Variants in CDH18 observed in about 807,000 individuals in gnomAD.
CDH18 encodes cadherin-18.
Under a neutral mutation model 67.9 loss-of-function variants are expected in CDH18, and 31 were observed. The observed-to-expected ratio is 0.46, with a 90% CI of 0.34 to 0.62. The LOEUF (loss-of-function observed/expected upper bound fraction) is 0.62, where lower values mean the gene tolerates loss of function less well. Ranked by LOEUF, CDH18 falls within the 20% of genes least tolerant of loss-of-function variation. CDH18 has a pLI of 0.01. For missense variants in CDH18, 890 were observed against 975.5 expected (o/e 0.91, Z 1.17); for synonymous variants, 362 against 347.2 (o/e 1.04, Z -0.48).
chr5:20,233,047 A>G (rs1742194256), intron 2 of CDH18, among the ~76,000 whole-genome samples: 1 of 151,860 alleles, frequency 6.6e-6, no homozygotes, highest in South Asian at 2.1e-4. Context: ...CCTGAAGTTA[A>G]TATATACAGC....
chr5:20,417,609 C>T (rs181778653), intron 1 of CDH18, among the ~76,000 whole-genome samples: 59 of 152,190 alleles, frequency 3.9e-4, no homozygotes, highest in Non-Finnish European at 6.5e-4. Context: ...ACAAACTCTA[C>T]GACATGTCAT....
At chr5:19,520,202 A>G (rs1026563625) in intron 10 of CDH18, among the ~76,000 whole-genome samples, 1 of 152,016 alleles carries the variant, frequency 6.6e-6, no homozygotes, top group Non-Finnish European at 1.5e-5. Context: ...CTATTAATAC[A>G]TATATACTCT....
intron 2 of CDH18, among the ~76,000 whole-genome samples, chr5:20,157,179 T>C (rs895253045): frequency 6.6e-6 from 1 of 152,200 alleles, no homozygotes; most frequent in Non-Finnish European, 1.5e-5. Flanking sequence ...TTATAAATTG[T>C]ATATTTCTAG....
chr5:19,689,363 G>T (rs1761540748), intron 5 of CDH18, among the ~76,000 whole-genome samples: 1 of 151,810 alleles, frequency 6.6e-6, no homozygotes, highest in Non-Finnish European at 1.5e-5. Flanking sequence ...GAGAGTATAG[G>T]ATGATATATT....
At chr5:19,911,840 G>A (rs1791179032) in intron 2 of CDH18, among the ~76,000 whole-genome samples, 1 of 152,202 alleles carries the variant, frequency 6.6e-6, no homozygotes. Context: ...AATAGGGAGT[G>A]AGTTTCAAAG....
chr5:20,455,814 T>G (rs914591688), intron 1 of CDH18, among the ~76,000 whole-genome samples: 3 of 152,124 alleles, frequency 2.0e-5, no homozygotes, highest in Non-Finnish European at 4.4e-5. Flanking sequence ...AAAATTGAAT[T>G]ATCTGTTCTA....
rs560953800 is a variant in CDH18, at chr5:20,051,015, G to C, written c.-517-59001C>G. ...AGGCAATGGAGTATTGTAATAAAAA[G>C]ATACTTTGGCTTTATCACACTTGTT... On this transcript the variant is annotated intron_variant, in intron 2 of 14. Coordinates refer to the CDH18 transcript ENST00000507958. Among the ~76,000 whole-genome samples, 3 of 151,884 alleles carry C rather than the reference G, an allele frequency of 2.0e-5. No homozygotes were observed. In the East Asian group the frequency reaches 5.8e-4, roughly 29 times the overall value.
chr5:19,489,088 A>G (rs796157536), intron 11 of CDH18, among the ~76,000 whole-genome samples: 4 of 152,232 alleles, frequency 2.6e-5, no homozygotes, highest in African/African-American at 9.6e-5. Context: ...TACAGTGTCC[A>G]TTGTCTATTT....
chr5:19,713,219 C>T (rs1456827953), intron 5 of CDH18, among the ~76,000 whole-genome samples: 1 of 151,838 alleles, frequency 6.6e-6, no homozygotes, highest in African/African-American at 2.4e-5. Context: ...ATAAGATATG[C>T]TACAATTGAC....
At chr5:19,750,234 GA>G (rs1430071941) in intron 3 of CDH18, among the ~76,000 whole-genome samples, 2 of 152,052 alleles carry the variant, frequency 1.3e-5, no homozygotes, top group African/African-American at 4.8e-5. Context: ...TTACTCTCAA[GA>G]TTCCCTCTCC....
At chr5:20,330,537 A>C (rs532796530) in intron 1 of CDH18, among the ~76,000 whole-genome samples, 2 of 152,298 alleles carry the variant, frequency 1.3e-5, no homozygotes, top group South Asian at 4.1e-4. Context: ...GGGCTCATGC[A>C]TGCACAGTAA....
chr5:19,754,200 T>G (rs1771226609), intron 3 of CDH18, among the ~76,000 whole-genome samples: 1 of 151,786 alleles, frequency 6.6e-6, no homozygotes, highest in South Asian at 2.1e-4. Context: ...ATGCTCCACT[T>G]AAAAGATACA....
intron 3 of CDH18, among the ~76,000 whole-genome samples, chr5:19,750,482 T>C (rs143297021): frequency 1.4e-4 from 22 of 152,150 alleles, no homozygotes; most frequent in African/African-American, 4.8e-4. Context: ...AAAAAGCTCT[T>C]GAATAGAGAT....
At chr5:20,238,406 G>A (rs1035116970) in intron 2 of CDH18, among the ~76,000 whole-genome samples, 5 of 151,962 alleles carry the variant, frequency 3.3e-5, no homozygotes, top group Admixed American at 6.6e-5. Context: ...GTACAAATTC[G>A]GGAATAATTT....
rs541935196 is a variant in CDH18 at position 20,391,001 on chromosome 5, G to A, written c.-579-135496C>T. On this transcript the variant is annotated intron_variant, in intron 1 of 14. Transcript: ENST00000507958. The stretch of plus-strand genomic sequence containing the variant: ...GCCTGTTGTGGGGTGGGGGAAGAGG[G>A]GAGGGATAGCATTTGGAGATATACC... Among the ~76,000 whole-genome samples, 166 of 152,162 alleles carry A rather than the reference G, an allele frequency of 1.1e-3. 3 individuals are homozygous for A. The South Asian group carries it at 0.033, about 30-fold the overall frequency.
chr5:20,565,943 T>A (rs1443981003), intron 1 of CDH18, among the ~76,000 whole-genome samples: 1 of 152,100 alleles, frequency 6.6e-6, no homozygotes, highest in Non-Finnish European at 1.5e-5. Context: ...TTATGTTTTG[T>A]CATCTTTTGT....
At chr5:19,792,890 TA>T (rs1307780437) in intron 3 of CDH18, among the ~76,000 whole-genome samples, 1 of 152,188 alleles carries the variant, frequency 6.6e-6, no homozygotes, top group African/African-American at 2.4e-5. Flanking sequence ...AAGGACAAGT[TA>T]TTTAGACGAC....
intron 1 of CDH18, among the ~76,000 whole-genome samples, chr5:20,555,981 T>C (rs1757884000): frequency 6.6e-6 from 1 of 152,118 alleles, no homozygotes; most frequent in Non-Finnish European, 1.5e-5. Flanking sequence ...AGTACTAGCA[T>C]TCATTCAATT....
chr5:20,225,732 GAT>G (rs944025342), intron 2 of CDH18, among the ~76,000 whole-genome samples: 2 of 152,072 alleles, frequency 1.3e-5, no homozygotes, highest in Admixed American at 6.6e-5. Context: ...GAAAAAATAA[GAT>G]TCCTGGGAGC....
Sources: allele counts gnomAD v4.1 joint callset (sites outside exome capture counted in the v4.1 genomes callset), GRCh38; gene constraint gnomAD v4.1.1; transcripts MANE v1.5; gene names NCBI Gene and HGNC (gene_info 2026-07-23, HGNC 2026-07-21).